FOCAD: variants seen among roughly 807,000 people sequenced by gnomAD.
FOCAD encodes focadhesin.
Under a neutral mutation model 225.6 loss-of-function variants are expected in FOCAD, and 198 were observed. That is an observed-to-expected ratio of 0.88 (90% CI 0.78 to 0.99). The LOEUF (loss-of-function observed/expected upper bound fraction) is 0.99, where lower values mean the gene tolerates loss of function less well. FOCAD is among the 50% of genes least tolerant of loss of function. The pLI is 0.00. For synonymous variants in FOCAD, 897 were observed against 755.0 expected, an observed-to-expected ratio of 1.19 and a Z score of -3.08; for missense variants, 2,713 against 2,123.6, an observed-to-expected ratio of 1.28 and a Z score of -5.46.
In FOCAD at chr9:20,993,250, T is replaced by G. The variant is rs199933490; in HGVS notation, c.5257-3T>G. The G allele has an allele frequency of 5.4e-4, 869 of 1,612,450 alleles. 4 individuals are homozygous for G. Among genetic ancestry groups the G allele is most frequent in the Middle Eastern group, 1.5e-3 (9 of 6,056 alleles). Reference sequence around the variant, plus strand: ...TTGACACTATTTTTCATTTTTACCCTAGTTCATTGACTGGCTATTCAGCAT... The same window carrying G: ...TTGACACTATTTTTCATTTTTACCCGAGTTCATTGACTGGCTATTCAGCAT... On this transcript the variant is annotated splice_polypyrimidine_tract_variant and splice_region_variant and intron_variant, in intron 42 of 43. Transcript: ENST00000338382.
intron 34 of FOCAD, among the ~76,000 whole-genome samples, chr9:20,951,569 T>G: frequency 6.6e-6 from 1 of 152,188 alleles, no homozygotes; most frequent in East Asian, 1.9e-4. Flanking sequence ...AGTCTCTTCA[T>G]ATATGGCTGG....
chr9:20,995,702 A>G lies in FOCAD; in HGVS notation c.*73A>G, dbSNP rs750628390. On this transcript the variant is annotated 3_prime_UTR_variant, in exon 44 of 44. Coordinates refer to ENST00000338382, the MANE Select transcript of FOCAD (RefSeq NM_001375567.1). ...ATATAAGTGGAAGAAGTTTTTCAGA[A>G]TTCATGCCTGGTATTGCTGAGACAT... is the stretch of plus-strand genomic sequence containing the variant. 126 of 1,355,926 alleles carry G rather than the reference A, an allele frequency of 9.3e-5. No homozygotes were observed. The highest frequency in any genetic ancestry group is 1.3e-4 in the Non-Finnish European group (123 of 951,428). 84.0% of individuals were successfully genotyped at this position (1,355,926 alleles called of 1,614,324 possible).
intron 36 of FOCAD, among the ~76,000 whole-genome samples, chr9:20,977,612 A>G (rs557040428): frequency 7.8e-4 from 119 of 152,228 alleles, no homozygotes; most frequent in Non-Finnish European, 1.6e-3. Flanking sequence ...TGAGTGCTCT[A>G]TCATTTATAG....
chr9:20,972,709 G>T (rs1248918678), intron 35 of FOCAD, among the ~76,000 whole-genome samples: 2 of 151,952 alleles, frequency 1.3e-5, no homozygotes, highest in African/African-American at 2.4e-5. Flanking sequence ...TTCAACTTCT[G>T]TTAATTCTGT....
chr9:20,823,218 T>A, intron 15 of FOCAD, 103 bp downstream of exon 15: 2 of 1,271,572 alleles, frequency 1.6e-6, no homozygotes, highest in Non-Finnish European at 2.1e-6. Context: ...GAAGTCTGAG[T>A]GTTCATTCCC....
intron 15 of FOCAD, among the ~76,000 whole-genome samples, chr9:20,842,461 A>C (rs1215830293): frequency 6.6e-6 from 1 of 151,756 alleles, no homozygotes; most frequent in Non-Finnish European, 1.5e-5. Context: ...TTTTATCCTC[A>C]TGCTGCATTA....
At chr9:20,801,154 A>G (rs955593348) in intron 11 of FOCAD, among the ~76,000 whole-genome samples, 1 of 152,192 alleles carries the variant, frequency 6.6e-6, no homozygotes, top group African/African-American at 2.4e-5. Flanking sequence ...CGGAGGCTGC[A>G]GAACAGCGAA....
rs141815103 is a variant in FOCAD at position 20,875,016 on chromosome 9, T to C, written c.2317+209T>C. The C allele has an allele frequency of 1.2e-4, 65 of 552,358 alleles. No individual in the cohort carries two copies. The South Asian group carries it at 1.3e-3, about 11-fold the overall frequency. The allele number at this position is 552,358 out of a possible 1,614,324, so 34.2% of individuals were successfully genotyped here. Reference sequence around the variant, plus strand: ...GAAAAAACGTTACATCTGAGTAGGATTGAACAAGAAAACTAGTGTAAACAA... The same window carrying C: ...GAAAAAACGTTACATCTGAGTAGGACTGAACAAGAAAACTAGTGTAAACAA... On this transcript the variant is annotated intron_variant, in intron 19 of 43. Coordinates refer to ENST00000338382, the MANE Select transcript of FOCAD (RefSeq NM_001375567.1).
chr9:20,831,097 A>G (rs546557624), intron 15 of FOCAD, among the ~76,000 whole-genome samples: 14 of 152,202 alleles, frequency 9.2e-5, no homozygotes, highest in Admixed American at 7.9e-4. Context: ...TTTCTTTTAA[A>G]AGAAGATGAA....
In FOCAD at chr9:20,809,018, C is replaced by T. The variant is rs540415974; in HGVS notation, c.1456-10778C>T. The stretch of plus-strand genomic sequence containing the variant: ...CAAAAAATGTATACACAGAAATGTA[C>T]ACAAAAGCATTACGTTGCACATGTT... On this transcript the variant is annotated intron_variant, in intron 11 of 43. Transcript: ENST00000338382. 4.9e-4 allele frequency among the ~76,000 whole-genome samples: 74 copies of T among 152,214 alleles called. 2 individuals carry two copies. In the South Asian group the frequency reaches 0.015, roughly 30 times the overall value.
chr9:20,766,347 C>T (rs569760917), intron 7 of FOCAD, among the ~76,000 whole-genome samples: 9 of 152,258 alleles, frequency 5.9e-5, no homozygotes, highest in Non-Finnish European at 8.8e-5. Flanking sequence ...TAGAATGAAG[C>T]GTGTGAGGGT....
At chr9:20,836,632 T>G (rs1281910066) in intron 15 of FOCAD, among the ~76,000 whole-genome samples, 1 of 152,096 alleles carries the variant, frequency 6.6e-6, no homozygotes, top group African/African-American at 2.4e-5. Flanking sequence ...AGTCGAAAGT[T>G]GTAGTTTGGC....
At chr9:20,689,967 C>G (rs1822880825) in intron 1 of FOCAD, among the ~76,000 whole-genome samples, 1 of 152,166 alleles carries the variant, frequency 6.6e-6, no homozygotes, top group Non-Finnish European at 1.5e-5. Context: ...GTACCTTTTC[C>G]TGGTCTTTGA....
At chr9:20,777,451 C>G (rs1425769594) in intron 8 of FOCAD, among the ~76,000 whole-genome samples, 3 of 151,852 alleles carry the variant, frequency 2.0e-5, no homozygotes, top group Non-Finnish European at 4.4e-5. Flanking sequence ...ATTTAGAAAC[C>G]TCAAATAACA....
In FOCAD at chr9:20,886,628, G is replaced by A. The variant is rs1034727196; in HGVS notation, c.2625+1398G>A. Among the ~76,000 whole-genome samples the A allele has an allele frequency of 1.1e-4, 16 of 152,264 alleles. No homozygotes were observed. In the East Asian group the frequency reaches 1.5e-3, roughly 15 times the overall value. Reference sequence around the variant, plus strand: ...AGATACTTGTTGCTTGTGCTGTAGAGAGTCTAGAAAATTTCAAAGGGAAAA... The same window carrying A: ...AGATACTTGTTGCTTGTGCTGTAGAAAGTCTAGAAAATTTCAAAGGGAAAA... On this transcript the variant is annotated intron_variant, in intron 21 of 43. Transcript: ENST00000338382.
At chr9:20,863,768 A>G (rs906919593) in intron 16 of FOCAD, among the ~76,000 whole-genome samples, 1 of 152,140 alleles carries the variant, frequency 6.6e-6, no homozygotes, top group African/African-American at 2.4e-5. Flanking sequence ...CTAAAAGCCA[A>G]TGTAAGGCCA....
chr9:20,732,305 G>A (rs1826781290), intron 4 of FOCAD, among the ~76,000 whole-genome samples: 1 of 152,200 alleles, frequency 6.6e-6, no homozygotes, highest in African/African-American at 2.4e-5. Flanking sequence ...GGTGGTAAAA[G>A]CAGGCTTTCC....
chr9:20,797,830 C>T (rs528914135), intron 11 of FOCAD, among the ~76,000 whole-genome samples: 21 of 152,234 alleles, frequency 1.4e-4, no homozygotes, highest in Middle Eastern at 3.4e-3. Flanking sequence ...TAATTGAATA[C>T]CCTTTATTTC....
chr9:20,829,885 A>AC (rs1454075839), intron 15 of FOCAD, among the ~76,000 whole-genome samples: 1 of 152,132 alleles, frequency 6.6e-6, no homozygotes. Flanking sequence ...TTTACTGAGT[A>AC]CTTTCTATAT....
Sources: gnomAD v4.1 joint callset for allele counts (sites outside exome capture counted in the v4.1 genomes callset) on GRCh38, gnomAD v4.1.1 for gene constraint, MANE v1.5 for transcripts, NCBI Gene and HGNC (gene_info 2026-07-23, HGNC 2026-07-21) for gene names.